Variants in SEMA5A observed in about 807,000 individuals in gnomAD.
The protein encoded by SEMA5A is semaphorin-5A.
SEMA5A carries 55 observed loss-of-function variants against 135.5 expected under a neutral mutation model. That is an observed-to-expected ratio of 0.41 (90% CI 0.33 to 0.51). The LOEUF (loss-of-function observed/expected upper bound fraction) is 0.51, where lower values mean the gene tolerates loss of function less well. Ranked by LOEUF, SEMA5A falls within the 20% of genes least tolerant of loss-of-function variation. The pLI, the probability that SEMA5A is intolerant of heterozygous loss-of-function variation, is 0.37. For synonymous variants in SEMA5A, 580 were observed against 546.5 expected (o/e 1.06, Z -0.85); for missense variants, 1,290 against 1,419.9 (o/e 0.91, Z 1.47).
At position 9,315,276 on chromosome 5, in the gene SEMA5A, T is replaced by C. The variant is rs183928354; in HGVS notation, c.270+3096A>G. Reference sequence around the variant, plus strand: ...TATAGCTTCTATGTATGTATGTGTATAACAATTTTAAAAGCTATTTTGATA... The same window carrying C: ...TATAGCTTCTATGTATGTATGTGTACAACAATTTTAAAAGCTATTTTGATA... On this transcript the variant is annotated intron_variant, in intron 5 of 22. Transcript: ENST00000382496. Among the ~76,000 whole-genome samples, 17 of 152,310 alleles carry C rather than the reference T, an allele frequency of 1.1e-4. No homozygotes were observed. The East Asian group carries it at 3.1e-3, about 28-fold the overall frequency.
intron 13 of SEMA5A, among the ~76,000 whole-genome samples, chr5:9,130,847 G>C (rs1394847049): frequency 6.6e-6 from 1 of 152,126 alleles, no homozygotes; most frequent in Non-Finnish European, 1.5e-5. Flanking sequence ...TGAAGATTAG[G>C]TATAATGTCA....
Position 9,050,421 on chromosome 5 carries a change from T to C in SEMA5A, c.2882A>G (p.Lys961Arg). 6.2e-7 allele frequency: 1 copy of C among 1,612,902 alleles called. No homozygotes were observed. Among genetic ancestry groups the C allele is most frequent in the East Asian group, 2.2e-5 (1 of 44,862 alleles). Residue 961 changes from lysine to arginine, a missense_variant, in exon 21 of 23, where the codon AAA becomes AGA. By Grantham distance (26) the Lys-to-Arg change is conservative. This residue lies in a region of SEMA5A where 1,029 missense variants were observed against 1,086.6 expected (regional missense o/e 0.95). Coordinates refer to ENST00000382496, the MANE Select transcript of SEMA5A (RefSeq NM_003966.3). ...SVARSSSVEE[K>R]RCGEFNMFHM... The stretch of plus-strand genomic sequence containing the variant: ...AAGGAATAACGTACCTCCACACCTT[T>C]TCTCTTCTACGCTACTGGATCTTGC...
intron 5 of SEMA5A, among the ~76,000 whole-genome samples, chr5:9,295,883 G>A (rs1751310921): frequency 6.6e-6 from 1 of 152,074 alleles, no homozygotes; most frequent in African/African-American, 2.4e-5. Context: ...GAATTACATT[G>A]TACACATCCA....
At chr5:9,379,155 C>T (rs1434122063) in intron 3 of SEMA5A, among the ~76,000 whole-genome samples, 1 of 151,918 alleles carries the variant, frequency 6.6e-6, no homozygotes. Flanking sequence ...AATATAAAAC[C>T]ACTTGTTGCA....
chr5:9,278,429 T>G (rs1046801497), intron 5 of SEMA5A, among the ~76,000 whole-genome samples: 2 of 152,228 alleles, frequency 1.3e-5, no homozygotes, highest in African/African-American at 2.4e-5. Context: ...TTTGGAAAAT[T>G]TGCAGTATGG....
At chr5:9,400,279 A>G (rs1756594701) in intron 2 of SEMA5A, among the ~76,000 whole-genome samples, 1 of 152,202 alleles carries the variant, frequency 6.6e-6, no homozygotes, top group Non-Finnish European at 1.5e-5. Flanking sequence ...TACCTATGTA[A>G]CAAGCCTGCA....
intron 12 of SEMA5A, among the ~76,000 whole-genome samples, chr5:9,153,211 T>C (rs1205469453): frequency 6.6e-6 from 1 of 152,160 alleles, no homozygotes; most frequent in African/African-American, 2.4e-5. Context: ...CAAAAAGGAC[T>C]ATTTCTACTC....
chr5:9,294,682 C>T (rs1381298109), intron 5 of SEMA5A, among the ~76,000 whole-genome samples: 1 of 152,184 alleles, frequency 6.6e-6, no homozygotes, highest in Non-Finnish European at 1.5e-5. Context: ...CTTCTAAACA[C>T]TTCCCCCATG....
chr5:9,521,863 C>T (rs1206006942), intron 1 of SEMA5A, among the ~76,000 whole-genome samples: 3 of 152,168 alleles, frequency 2.0e-5, no homozygotes, highest in Non-Finnish European at 4.4e-5. Flanking sequence ...GTGACCTAGA[C>T]ACCTTACAGG....
intron 2 of SEMA5A, among the ~76,000 whole-genome samples, chr5:9,389,850 T>C (rs1317021726): frequency 6.6e-6 from 1 of 152,216 alleles, no homozygotes; most frequent in African/African-American, 2.4e-5. Flanking sequence ...TTATTCCTGT[T>C]ACAGCCTTTA....
intron 3 of SEMA5A, among the ~76,000 whole-genome samples, chr5:9,366,964 A>G (rs1002580977): frequency 6.6e-6 from 1 of 152,196 alleles, no homozygotes; most frequent in African/African-American, 2.4e-5. Flanking sequence ...TTCCTTTCCT[A>G]GTCTGGTATT....
At chr5:9,155,450 A>G (rs931866291) in intron 11 of SEMA5A, among the ~76,000 whole-genome samples, 12 of 150,874 alleles carry the variant, frequency 8.0e-5, no homozygotes, top group African/African-American at 3.0e-4. Flanking sequence ...GCTTAGGGGG[A>G]CACACAGTTG....
intron 10 of SEMA5A, among the ~76,000 whole-genome samples, chr5:9,195,294 T>C (rs1335872028): frequency 6.6e-6 from 1 of 152,140 alleles, no homozygotes; most frequent in African/African-American, 2.4e-5. Context: ...GACTCCCAAA[T>C]AGCTAGGACT....
chr5:9,218,435 C>G (rs1270762263), intron 8 of SEMA5A, among the ~76,000 whole-genome samples: 2 of 152,120 alleles, frequency 1.3e-5, no homozygotes, highest in African/African-American at 4.8e-5. Context: ...AGTGACTGCT[C>G]TACTGGGCGT....
At chr5:9,510,018 A>G (rs937165670) in intron 1 of SEMA5A, among the ~76,000 whole-genome samples, 5 of 152,310 alleles carry the variant, frequency 3.3e-5, no homozygotes, top group South Asian at 4.2e-4. Flanking sequence ...ATGGGGATAG[A>G]ATGTCTAGGG....
intron 1 of SEMA5A, among the ~76,000 whole-genome samples, chr5:9,462,578 A>C (rs918020402): frequency 6.6e-6 from 1 of 152,222 alleles, no homozygotes; most frequent in African/African-American, 2.4e-5. Context: ...ATCAACCTAA[A>C]TGCCCAGCAA....
intron 11 of SEMA5A, among the ~76,000 whole-genome samples, chr5:9,166,936 C>T (rs1023017111): frequency 1.3e-5 from 2 of 152,144 alleles, no homozygotes; most frequent in African/African-American, 2.4e-5. Flanking sequence ...GGTTGGCAGC[C>T]CTTCTCTGAC....
At chr5:9,418,650 G>A (rs927186398) in intron 2 of SEMA5A, among the ~76,000 whole-genome samples, 2 of 152,044 alleles carry the variant, frequency 1.3e-5, no homozygotes, top group South Asian at 2.1e-4. Flanking sequence ...AAATACTGAC[G>A]GCGCACTAAA....
chr5:9,419,230 T>G (rs1757382341), intron 2 of SEMA5A, among the ~76,000 whole-genome samples: 1 of 152,180 alleles, frequency 6.6e-6, no homozygotes, highest in Non-Finnish European at 1.5e-5. Flanking sequence ...GGTGTGAGAG[T>G]GTCCTTGGTA....
Sources: allele counts gnomAD v4.1 joint callset (sites outside exome capture counted in the v4.1 genomes callset), GRCh38; gene constraint gnomAD v4.1.1; regional missense constraint gnomAD v4.1.1; transcripts MANE v1.5; gene names NCBI Gene and HGNC (gene_info 2026-07-23, HGNC 2026-07-21).